Variants in NFIX observed in about 807,000 individuals in gnomAD.
NFIX encodes the protein nuclear factor 1 X-type.
NFIX carries 2 observed loss-of-function variants against 53.3 expected under a neutral mutation model. The observed-to-expected ratio is 0.04, with a 90% CI of 0.02 to 0.12. NFIX has a LOEUF of 0.12. Among genes scored for constraint, NFIX ranks in the 10% least tolerant of loss-of-function variants. The pLI is 1.00. For missense variants in NFIX, 310 were observed against 674.5 expected (o/e 0.46, Z 5.99); for synonymous variants, 244 against 289.0 (o/e 0.84, Z 1.58).
chr19:13,085,524 CCTTT>C (rs1458879332), intron 8 of NFIX, among the ~76,000 whole-genome samples: 3 of 152,346 alleles, frequency 2.0e-5, no homozygotes, highest in Non-Finnish European at 2.9e-5. Flanking sequence ...CGTCGCATCA[CCTTT>C]CTCTGCAGCG....
In NFIX at chr19:13,097,236, G is replaced by A. The variant is rs1348611195; in HGVS notation, c.*2587G>A. The A allele has an allele frequency of 6.7e-6, 1 of 149,602 alleles. No homozygotes were observed. Among genetic ancestry groups the A allele is most frequent in the Non-Finnish European group, 1.5e-5 (1 of 67,468 alleles). The allele number at this position is 149,602 out of a possible 1,614,324, so 9.3% of individuals were successfully genotyped here. A position where few individuals can be genotyped will look rare whatever the true frequency, so the allele number is the denominator to read the frequency against. ...CCTGCGTTGACGAGGATGATCTGGG[G>A]TTTTTATTTGTTTCGTCGTTCGTTC... On this transcript the variant is annotated 3_prime_UTR_variant, in exon 11 of 11. Transcript: ENST00000592199.
At chr19:13,008,324 T>C (rs2012139036) in intron 1 of NFIX, among the ~76,000 whole-genome samples, 1 of 152,132 alleles carries the variant, frequency 6.6e-6, no homozygotes, top group African/African-American at 2.4e-5. Flanking sequence ...CAGGGCTGCA[T>C]CCCTAAAGGT....
At position 13,073,952 on chromosome 19, in the gene NFIX, G is replaced by A. The variant is rs1000139785; in HGVS notation, c.744G>A (p.Leu248=). 6.2e-6 allele frequency: 10 copies of A among 1,613,980 alleles called. No homozygotes were observed. Among genetic ancestry groups the A allele is most frequent in the Non-Finnish European group, 8.5e-6 (10 of 1,179,876 alleles). ...ASGPNFSLAD[L]ESPSYYNINQ... ...GGCCCAACTTCTCCCTGGCGGACCT[G>A]GAGAGTCCCAGCTACTACAACATCA... The change falls in exon 5 of 11, where the codon CTG becomes CTA. Residue 248 remains leucine (L), a synonymous_variant. Transcript: ENST00000592199. The surrounding 1 kb of genome is among the most constrained non-coding windows in gnomAD (Gnocchi z 4.5).
Position 13,027,686 on chromosome 19 carries a change from G to A in NFIX, c.559+2134G>A, listed in dbSNP as rs1366381179. ...TGCCAGTGTGGGGCTAAGGTAGGATGAAAAGTATGTGAGGAAGCAGACCGT... is the reference window on the plus strand; with the variant it reads ...TGCCAGTGTGGGGCTAAGGTAGGATAAAAAGTATGTGAGGAAGCAGACCGT... On this transcript the variant is annotated intron_variant, in intron 2 of 10. Coordinates refer to ENST00000592199, the MANE Select transcript of NFIX (RefSeq NM_001365902.3). The surrounding 1 kb of genome is among the most constrained non-coding windows in gnomAD (Gnocchi z 4.3). Among the ~76,000 whole-genome samples the A allele has an allele frequency of 6.6e-6, 1 of 152,180 alleles. No individual in the cohort carries two copies. Among genetic ancestry groups the A allele is most frequent in the East Asian group, 1.9e-4 (1 of 5,200 alleles).
Position 13,013,575 on chromosome 19 carries a change from C to G in NFIX, c.28-11446C>G. 6.6e-6 allele frequency: 1 copy of G among 152,332 alleles called. No homozygotes were observed. The highest frequency in any genetic ancestry group is 1.9e-4 in the East Asian group (1 of 5,188). The allele number at this position is 152,332 out of a possible 1,614,324, so 9.4% of individuals were successfully genotyped here. On this transcript the variant is annotated intron_variant, in intron 1 of 10. Coordinates refer to ENST00000592199, the MANE Select transcript of NFIX (RefSeq NM_001365902.3). The surrounding 1 kb of genome is among the most constrained non-coding windows in gnomAD (Gnocchi z 5.9). Reference sequence around the variant, plus strand: ...ACGCGGCCCATCCCAGCAGCACCCCCCGCCCCAAGCTCCCAGACCACACTT... The same window carrying G: ...ACGCGGCCCATCCCAGCAGCACCCCGCGCCCCAAGCTCCCAGACCACACTT...
chr19:12,996,599 C>T lies in NFIX; in HGVS notation c.27+735C>T, dbSNP rs1000945427. 1.3e-5 allele frequency among the ~76,000 whole-genome samples: 2 copies of T among 152,202 alleles called. No individual in the cohort carries two copies. Among genetic ancestry groups the T allele is most frequent in the Admixed American group, 6.5e-5 (1 of 15,292 alleles). ...CCGGACGTCGCAGCCTCTGCCCCCCCACCCCCAAACTTTCCTCGGCGCAAA... is the reference window on the plus strand; with the variant it reads ...CCGGACGTCGCAGCCTCTGCCCCCCTACCCCCAAACTTTCCTCGGCGCAAA... On this transcript the variant is annotated intron_variant, in intron 1 of 10. Coordinates refer to ENST00000592199, the MANE Select transcript of NFIX (RefSeq NM_001365902.3). This position sits in a 1 kb window ranked among gnomAD's most constrained non-coding sequence, Gnocchi z 5.2.
intron 6 of NFIX, among the ~76,000 whole-genome samples, chr19:13,076,039 C>G (rs757863579): frequency 2.0e-5 from 3 of 152,200 alleles, no homozygotes; most frequent in Admixed American, 6.5e-5. Flanking sequence ...GGGGGCTCAT[C>G]ATTCTGTGTA....
chr19:13,022,755 A>T lies in NFIX; in HGVS notation c.28-2266A>T, dbSNP rs1441374331. Among the ~76,000 whole-genome samples, 1 of 151,466 alleles carries T rather than the reference A, an allele frequency of 6.6e-6. No individual in the cohort carries two copies. Among genetic ancestry groups the T allele is most frequent in the Non-Finnish European group, 1.5e-5 (1 of 67,852 alleles). Reference sequence around the variant, plus strand: ...CCGGGAGTCAGGCCTTTATTTATTTATTTTTCAGGCTTAAAAAAAAATTTC... The same window carrying T: ...CCGGGAGTCAGGCCTTTATTTATTTTTTTTTCAGGCTTAAAAAAAAATTTC... On this transcript the variant is annotated intron_variant, in intron 1 of 10. Transcript: ENST00000592199. The surrounding 1 kb of genome is among the most constrained non-coding windows in gnomAD (Gnocchi z 4.5).
rs766840282 is a variant in NFIX, at chr19:13,024,612, G to A, written c.28-409G>A. ...ACACTGTGCCGGGGCGAGCTGACAG[G>A]AGTTCACGGCTGCGATAGAACATGG... is the stretch of plus-strand genomic sequence containing the variant. On this transcript the variant is annotated intron_variant, in intron 1 of 10. Transcript: ENST00000592199. The A allele has an allele frequency of 9.8e-6, 15 of 1,536,278 alleles. No individual in the cohort carries two copies. The South Asian group carries it at 1.8e-4, about 18-fold the overall frequency.
rs1205557669 is a variant in NFIX at position 13,088,092 on chromosome 19, C to T, written c.1358C>T (p.Thr453Ile). The T allele has an allele frequency of 1.3e-6, 2 of 1,536,532 alleles. No individual in the cohort carries two copies. Among genetic ancestry groups the T allele is most frequent in the Non-Finnish European group, 8.7e-7 (1 of 1,146,982 alleles). ...VPLPMPDSKS[T>I]STAPDGAALT... ...CTTCCTATGCCTGATTCCAAATCCA[C>T]CAGCACTGCCCCAGACGGCGCCGCC... The change falls in exon 9 of 11, where the codon ACC becomes ATC. Residue 453 changes from threonine (T) to isoleucine (I), a missense_variant. Around this residue, in one of 5 missense-constraint regions of NFIX, gnomAD observed 44 missense variants for 73.4 expected, o/e 0.60. Transcript: ENST00000592199. The surrounding 1 kb of genome is among the most constrained non-coding windows in gnomAD (Gnocchi z 5.9).
intron 2 of NFIX, among the ~76,000 whole-genome samples, chr19:13,038,206 A>G (rs2014346042): frequency 6.6e-6 from 1 of 152,224 alleles, no homozygotes; most frequent in Non-Finnish European, 1.5e-5. Flanking sequence ...CCTGCCAGGC[A>G]GTATGGTATT....
chr19:13,073,575 G>T lies in NFIX; in HGVS notation c.697+79G>T. 7.9e-7 allele frequency: 1 copy of T among 1,263,742 alleles called. No individual in the cohort carries two copies. The highest frequency in any genetic ancestry group is 1.2e-6 in the Non-Finnish European group (1 of 862,904). 78.3% of individuals were successfully genotyped at this position (1,263,742 alleles called of 1,614,324 possible). ...GGACCTCATGGGATGTCCTCCTAAT[G>T]GGGTCTTAGGGCAGGTGGATGGGAA... On this transcript the variant is annotated intron_variant, in intron 4 of 10. Transcript: ENST00000592199. This position sits in a 1 kb window ranked among gnomAD's most constrained non-coding sequence, Gnocchi z 4.5.
chr19:13,090,197 G>A lies in NFIX; in HGVS notation c.1403-102G>A. The A allele has an allele frequency of 9.0e-7, 1 of 1,105,834 alleles. No homozygotes were observed. The highest frequency in any genetic ancestry group is 1.4e-6 in the Non-Finnish European group (1 of 722,758). 68.5% of individuals were successfully genotyped at this position (1,105,834 alleles called of 1,614,324 possible). A position where few individuals can be genotyped will look rare whatever the true frequency, so the allele number is the denominator to read the frequency against. The stretch of plus-strand genomic sequence containing the variant: ...TGCCAGCCTAAACTCGGGCAGCATG[G>A]TCTAACTCAGTCTCTCCCTCTCTCA... On this transcript the variant is annotated intron_variant, in intron 9 of 10. Transcript: ENST00000592199. This position sits in a 1 kb window ranked among gnomAD's most constrained non-coding sequence, Gnocchi z 6.6.
intron 10 of NFIX, among the ~76,000 whole-genome samples, chr19:13,092,677 A>G (rs968144907): frequency 6.6e-6 from 1 of 152,352 alleles, no homozygotes; most frequent in African/African-American, 2.4e-5. Context: ...GGGTTCCTGT[A>G]TAGTCTCCCC....
chr19:12,997,586 T>G (rs2011516049), intron 1 of NFIX, among the ~76,000 whole-genome samples: 1 of 152,164 alleles, frequency 6.6e-6, no homozygotes, highest in African/African-American at 2.4e-5. Flanking sequence ...CTGGGCCTCT[T>G]TGGTGCTACA....
rs1171411287 is a variant in NFIX, at chr19:13,033,225, C to T, written c.559+7673C>T. On this transcript the variant is annotated intron_variant, in intron 2 of 10. Coordinates refer to ENST00000592199, the MANE Select transcript of NFIX (RefSeq NM_001365902.3). ...CATGTTTGAGTTTAAGGGTTGTTGG[C>T]GTTAGAATAGGGTCCCAGGAGGAGG... 3.3e-5 allele frequency among the ~76,000 whole-genome samples: 5 copies of T among 152,128 alleles called. No homozygotes were observed. The East Asian group carries it at 7.7e-4, about 23-fold the overall frequency.
Position 13,097,379 on chromosome 19 carries a change from T to C in NFIX, c.*2730T>C, listed in dbSNP as rs1160848671. The C allele has an allele frequency of 6.6e-6, 1 of 152,622 alleles. No homozygotes were observed. The highest frequency in any genetic ancestry group is 1.5e-5 in the Non-Finnish European group (1 of 68,026). The allele number at this position is 152,622 out of a possible 1,614,324, so 9.5% of individuals were successfully genotyped here. On this transcript the variant is annotated 3_prime_UTR_variant, in exon 11 of 11. Coordinates refer to ENST00000592199, the MANE Select transcript of NFIX (RefSeq NM_001365902.3). ...AAGGAAAAGGACGAGAGAAAAATTA[T>C]TTTTAAGATAATTAAACATAAAACC...
chr19:13,081,961 G>C lies in NFIX; in HGVS notation c.1254+106G>C. ...GGCCCAAAAGCCAGGAGCCCACCTG[G>C]GGCTGGAGCAGCAGGGAGCTGGTAG... is the stretch of plus-strand genomic sequence containing the variant. On this transcript the variant is annotated intron_variant, in intron 8 of 10. Coordinates refer to ENST00000592199, the MANE Select transcript of NFIX (RefSeq NM_001365902.3). This position sits in a 1 kb window ranked among gnomAD's most constrained non-coding sequence, Gnocchi z 4.7. 2 of 1,370,380 alleles carry C rather than the reference G, an allele frequency of 1.5e-6. No homozygotes were observed. Among genetic ancestry groups the C allele is most frequent in the Non-Finnish European group, 2.0e-6 (2 of 994,294 alleles). 84.9% of individuals were successfully genotyped at this position (1,370,380 alleles called of 1,614,324 possible).
In NFIX at chr19:13,051,302, G is replaced by A. The variant is rs2015314401; in HGVS notation, c.560-21745G>A. On this transcript the variant is annotated intron_variant, in intron 2 of 10. Coordinates refer to ENST00000592199, the MANE Select transcript of NFIX (RefSeq NM_001365902.3). The surrounding 1 kb of genome is among the most constrained non-coding windows in gnomAD (Gnocchi z 5.1). ...CAGGGTAGGGGGATGCCTCAGGTGG[G>A]CACATCACGGTGCTGCCAAAGACTC... Among the ~76,000 whole-genome samples, 2 of 152,190 alleles carry A rather than the reference G, an allele frequency of 1.3e-5. No individual in the cohort carries two copies. Among genetic ancestry groups the A allele is most frequent in the Admixed American group, 1.3e-4 (2 of 15,282 alleles).
Sources: gnomAD v4.1 joint callset for allele counts (sites outside exome capture counted in the v4.1 genomes callset) on GRCh38, gnomAD v4.1.1 for gene constraint, gnomAD v4.1.1 regional missense constraint, Gnocchi (gnomAD v3.1) non-coding constraint, MANE v1.5 for transcripts, NCBI Gene and HGNC (gene_info 2026-07-23, HGNC 2026-07-21) for gene names.